PTPRD: variants seen among roughly 807,000 people sequenced by gnomAD.
The protein encoded by PTPRD is protein tyrosine phosphatase receptor type D, also known as receptor-type tyrosine-protein phosphatase delta.
Under a neutral mutation model 214.5 loss-of-function variants are expected in PTPRD, and 34 were observed. The ratio of observed to expected loss-of-function variants is 0.16; its 90% CI spans 0.12 to 0.21. The LOEUF (loss-of-function observed/expected upper bound fraction) is 0.21. PTPRD is among the 10% of genes least tolerant of loss of function. The pLI, the probability that PTPRD is intolerant of heterozygous loss-of-function variation, is 1.00. For synonymous variants in PTPRD, 1,128 were observed against 845.7 expected (o/e 1.33, Z -5.79); for missense variants, 2,545 against 2,398.7 (o/e 1.06, Z -1.27).
chr9:8,573,070 T>C (rs1272756380), intron 14 of PTPRD, among the ~76,000 whole-genome samples: 1 of 151,976 alleles, frequency 6.6e-6, no homozygotes, highest in East Asian at 1.9e-4. Context: ...TCAAATTGAA[T>C]CCTCAATTTA....
chr9:10,500,911 T>C (rs1045556681), intron 2 of PTPRD, among the ~76,000 whole-genome samples: 23 of 151,890 alleles, frequency 1.5e-4, no homozygotes, highest in Admixed American at 9.8e-4. Flanking sequence ...TTTGTATATA[T>C]ACCACGTTTT....
intron 2 of PTPRD, among the ~76,000 whole-genome samples, chr9:10,555,408 A>G: frequency 6.6e-6 from 1 of 152,226 alleles, no homozygotes; most frequent in Non-Finnish European, 1.5e-5. Context: ...GATATTACCT[A>G]TTACACAATA....
chr9:10,336,707 C>CA (rs1226149512), intron 3 of PTPRD, among the ~76,000 whole-genome samples: 11 of 151,012 alleles, frequency 7.3e-5, no homozygotes, highest in African/African-American at 2.7e-4. Flanking sequence ...GGAGGGGAGA[C>CA]AAAAAAGTCG....
chr9:9,859,930 TAGAAAAC>T (rs1453100103), intron 5 of PTPRD, among the ~76,000 whole-genome samples: 2 of 152,300 alleles, frequency 1.3e-5, no homozygotes, highest in East Asian at 1.9e-4. Flanking sequence ...AATTGCAACT[TAGAAAAC>T]AGAATATTTC....
At chr9:9,477,841 T>G (rs896034510) in intron 8 of PTPRD, among the ~76,000 whole-genome samples, 2 of 152,138 alleles carry the variant, frequency 1.3e-5, no homozygotes, top group Admixed American at 6.5e-5. Flanking sequence ...ACAGCCAATG[T>G]TAAGGAAGAA....
chr9:9,859,677 C>A (rs1245404735), intron 5 of PTPRD, among the ~76,000 whole-genome samples: 3 of 152,152 alleles, frequency 2.0e-5, no homozygotes, highest in Non-Finnish European at 4.4e-5. Flanking sequence ...TACAACAATT[C>A]TGTGAACTTA....
intron 2 of PTPRD, among the ~76,000 whole-genome samples, chr9:10,466,610 C>T (rs1281550432): frequency 2.3e-4 from 20 of 88,148 alleles, no homozygotes; most frequent in Admixed American, 7.9e-4. Flanking sequence ...GCAACAAGAG[C>T]GAAACTCCAA....
intron 11 of PTPRD, among the ~76,000 whole-genome samples, chr9:8,785,595 C>A (rs2095913167): frequency 6.6e-6 from 1 of 152,224 alleles, no homozygotes; most frequent in Non-Finnish European, 1.5e-5. Flanking sequence ...CTACCAGCTA[C>A]AACTCCTCAG....
chr9:9,459,865 CA>C (rs1569568517), intron 8 of PTPRD, among the ~76,000 whole-genome samples: 1 of 151,898 alleles, frequency 6.6e-6, no homozygotes, highest in African/African-American at 2.4e-5. Context: ...ATATGGAACC[CA>C]AAAAGAGCCC....
chr9:9,196,072 C>T (rs963155095), intron 9 of PTPRD, among the ~76,000 whole-genome samples: 1 of 152,108 alleles, frequency 6.6e-6, no homozygotes, highest in Admixed American at 6.6e-5. Context: ...CATGTCTGAC[C>T]ACTTGTTACT....
At chr9:8,721,672 C>A (rs143077507) in intron 12 of PTPRD, among the ~76,000 whole-genome samples, 358 of 152,274 alleles carry the variant, frequency 2.4e-3, no homozygotes, top group African/African-American at 8.2e-3. Context: ...TTTGTCTTTA[C>A]AGCAATCCTA....
intron 14 of PTPRD, among the ~76,000 whole-genome samples, chr9:8,539,002 A>G (rs2140117139): frequency 6.6e-6 from 1 of 152,100 alleles, no homozygotes; most frequent in East Asian, 1.9e-4. Context: ...ATCCTGTTGT[A>G]TAAGAAAATA....
At chr9:10,355,432 T>C (rs1431829079) in intron 2 of PTPRD, among the ~76,000 whole-genome samples, 1 of 152,054 alleles carries the variant, frequency 6.6e-6, no homozygotes, top group Admixed American at 6.6e-5. Flanking sequence ...CTTATAGAAC[T>C]TCTGTTCTAT....
At chr9:9,532,694 A>G (rs1334403180) in intron 8 of PTPRD, among the ~76,000 whole-genome samples, 1 of 152,066 alleles carries the variant, frequency 6.6e-6, no homozygotes, top group Non-Finnish European at 1.5e-5. Flanking sequence ...AGAGTTTGAA[A>G]CCCATAACAG....
chr9:9,325,606 G>T (rs189136253), intron 9 of PTPRD, among the ~76,000 whole-genome samples: 2,599 of 152,186 alleles, frequency 0.017, 76 homozygotes, highest in African/African-American at 0.06. Flanking sequence ...AGACAATGGG[G>T]TTTTCTAGAT....
intron 4 of PTPRD, among the ~76,000 whole-genome samples, chr9:9,957,745 A>T (rs1344790547): frequency 6.6e-6 from 1 of 152,192 alleles, no homozygotes. Context: ...ACAATACTAA[A>T]GAATAAAGTT....
At chr9:9,365,702 A>C (rs2057685877) in intron 9 of PTPRD, among the ~76,000 whole-genome samples, 1 of 151,476 alleles carries the variant, frequency 6.6e-6, no homozygotes, top group South Asian at 2.1e-4. Flanking sequence ...GGTCAAGAAA[A>C]GATCAGCCAA....
chr9:9,037,154 C>G (rs1366175186), intron 10 of PTPRD, among the ~76,000 whole-genome samples: 1 of 152,092 alleles, frequency 6.6e-6, no homozygotes, highest in Non-Finnish European at 1.5e-5. Context: ...ACTACAGAGC[C>G]TAACAATGTG....
intron 3 of PTPRD, among the ~76,000 whole-genome samples, chr9:10,310,243 T>C (rs2096231699): frequency 6.6e-6 from 1 of 152,066 alleles, no homozygotes. Flanking sequence ...GAAATGTATG[T>C]AGCATTTAAG....
Sources: gnomAD v4.1 joint callset for allele counts (sites outside exome capture counted in the v4.1 genomes callset) on GRCh38, gnomAD v4.1.1 for gene constraint, MANE v1.5 for transcripts, NCBI Gene and HGNC (gene_info 2026-07-23, HGNC 2026-07-21) for gene names.